Variants in ZNF385D observed in about 807,000 individuals in gnomAD.
ZNF385D encodes the protein zinc finger protein 385D.
Under a neutral mutation model 35.8 loss-of-function variants are expected in ZNF385D, and 15 were observed. That is an observed-to-expected ratio of 0.42 (90% CI 0.28 to 0.64). The LOEUF (loss-of-function observed/expected upper bound fraction) is 0.64, where lower values mean the gene tolerates loss of function less well. Among genes scored for constraint, ZNF385D ranks in the 30% least tolerant of loss-of-function variants. The pLI is 0.23. For missense variants in ZNF385D, 474 were observed against 494.6 expected (o/e 0.96, Z 0.39); for synonymous variants, 212 against 186.8 (o/e 1.13, Z -1.10).
intron 2 of ZNF385D, among the ~76,000 whole-genome samples, chr3:21,649,023 T>A (rs1003303290): frequency 6.6e-6 from 1 of 152,126 alleles, no homozygotes; most frequent in Non-Finnish European, 1.5e-5. Context: ...AACCTAGGAC[T>A]CTGTGATTCC....
rs117214424 is a variant in ZNF385D at position 21,547,973 on chromosome 3, C to T, written c.276+16601G>A. 9.3e-3 allele frequency among the ~76,000 whole-genome samples: 1,410 copies of T among 152,130 alleles called. 34 individuals carry two copies. The highest frequency in any genetic ancestry group is 0.08 in the East Asian group (413 of 5,134). On this transcript the variant is annotated intron_variant, in intron 3 of 7. Transcript: ENST00000281523. ...GTGGGAGGGGGTCCCTGGAGAAACTCCAACCAGCCTGTCCACTGAGCTGTA... is the reference window on the plus strand; with the variant it reads ...GTGGGAGGGGGTCCCTGGAGAAACTTCAACCAGCCTGTCCACTGAGCTGTA...
At chr3:21,753,000 C>A (rs1313487993), upstream of ZNF385D, among the ~76,000 whole-genome samples, 1 of 152,030 alleles carries the variant, frequency 6.6e-6, no homozygotes, top group East Asian at 1.9e-4. Flanking sequence ...CATTTGAGTT[C>A]CTGTAGTTGG....
chr3:22,003,221 G>C (rs1054399927), intron 3 of ZNF385D, among the ~76,000 whole-genome samples: 4 of 152,152 alleles, frequency 2.6e-5, no homozygotes, highest in Admixed American at 2.6e-4. Flanking sequence ...AAAGAATTCA[G>C]CTAACTTGCA....
At chr3:21,471,289 TCTCTCTCACACA>T (rs1435377335) in intron 4 of ZNF385D, among the ~76,000 whole-genome samples, 2 of 22,152 alleles carry the variant, frequency 9.0e-5, no homozygotes, top group African/African-American at 2.6e-4. Context: ...TCTCTCTCTC[TCTCTCTCACACA>T]CACACACACA....
intron 2 of ZNF385D, among the ~76,000 whole-genome samples, chr3:22,279,512 GTATATACATATACATATGTACATA>G (rs1701611423): frequency 1.5e-5 from 2 of 131,046 alleles, no homozygotes; most frequent in African/African-American, 7.1e-5. Context: ...ACATATATAT[GTATATACATATACATATGTACATA>G]TATATGTATA....
intron 2 of ZNF385D, among the ~76,000 whole-genome samples, chr3:21,614,761 C>G (rs13061569): frequency 0.51 from 77,714 of 151,802 alleles, 20,104 homozygotes; most frequent in East Asian, 0.67. Flanking sequence ...GCTAATTTTT[C>G]TATTTTTAGT....
chr3:21,997,272 C>T (rs1323134685), intron 3 of ZNF385D, among the ~76,000 whole-genome samples: 1 of 152,090 alleles, frequency 6.6e-6, no homozygotes, highest in African/African-American at 2.4e-5. Flanking sequence ...ACCACATGTT[C>T]TCACTCATAG....
intron 1 of ZNF385D, among the ~76,000 whole-genome samples, chr3:21,709,166 A>G (rs1252965173): frequency 1.3e-5 from 2 of 152,232 alleles, no homozygotes; most frequent in African/African-American, 2.4e-5. Flanking sequence ...ATTAGTGGAT[A>G]CCATAATGTT....
chr3:21,905,388 T>C (rs1456785775), intron 3 of ZNF385D, among the ~76,000 whole-genome samples: 1 of 152,038 alleles, frequency 6.6e-6, no homozygotes, highest in Non-Finnish European at 1.5e-5. Context: ...ACATAAAGGC[T>C]AAATTTTATC....
At chr3:22,095,916 T>C (rs1028764564) in intron 3 of ZNF385D, among the ~76,000 whole-genome samples, 9 of 151,982 alleles carry the variant, frequency 5.9e-5, no homozygotes. Flanking sequence ...CACCATATTA[T>C]ATCTACTAAT....
At chr3:22,036,347 C>A (rs188548121) in intron 3 of ZNF385D, among the ~76,000 whole-genome samples, 22 of 152,162 alleles carry the variant, frequency 1.4e-4, no homozygotes, top group African/African-American at 5.1e-4. Context: ...AAGATATAAC[C>A]AAGTTTTGGC....
intron 4 of ZNF385D, among the ~76,000 whole-genome samples, chr3:21,478,646 C>A (rs762779442): frequency 6.6e-6 from 1 of 152,096 alleles, no homozygotes; most frequent in Non-Finnish European, 1.5e-5. Context: ...CACGCTTAGG[C>A]GTAACTTAGC....
chr3:21,935,650 G>A (rs1439333325), intron 3 of ZNF385D, among the ~76,000 whole-genome samples: 1 of 152,092 alleles, frequency 6.6e-6, no homozygotes, highest in Non-Finnish European at 1.5e-5. Flanking sequence ...CTGTTTAGAA[G>A]TGACCTTTTT....
intron 3 of ZNF385D, among the ~76,000 whole-genome samples, chr3:21,556,545 T>C (rs1253535043): frequency 1.1e-4 from 2 of 17,420 alleles, no homozygotes; most frequent in African/African-American, 8.2e-4. Context: ...ATGTGTGATA[T>C]TATTTCTGAG....
chr3:21,738,817 G>C (rs992837561), intron 1 of ZNF385D, among the ~76,000 whole-genome samples: 1 of 152,182 alleles, frequency 6.6e-6, no homozygotes, highest in Admixed American at 6.5e-5. Flanking sequence ...ACAAAAGTGT[G>C]ATTATGTTGG....
chr3:22,130,358 C>G (rs9837187), intron 3 of ZNF385D, among the ~76,000 whole-genome samples: 2,801 of 152,222 alleles, frequency 0.018, 34 homozygotes, highest in Non-Finnish European at 0.026. Flanking sequence ...AGCACAGCAC[C>G]AGACCTTCCC....
chr3:21,460,096 T>C (rs1703070016), intron 4 of ZNF385D, among the ~76,000 whole-genome samples: 1 of 152,218 alleles, frequency 6.6e-6, no homozygotes, highest in South Asian at 2.1e-4. Flanking sequence ...CATGTTTCTT[T>C]TGATTCTGTT....
intron 3 of ZNF385D, among the ~76,000 whole-genome samples, chr3:21,980,880 T>A (rs1694398317): frequency 6.6e-6 from 1 of 152,184 alleles, no homozygotes; most frequent in African/African-American, 2.4e-5. Flanking sequence ...TCTATATTCC[T>A]GCAAAAGAGA....
chr3:21,900,897 T>TA (rs1699374996), intron 3 of ZNF385D, among the ~76,000 whole-genome samples: 1 of 152,096 alleles, frequency 6.6e-6, no homozygotes, highest in Non-Finnish European at 1.5e-5. Context: ...GTTCATACAA[T>TA]AGCCCTCCCA....
Sources: allele counts gnomAD v4.1 joint callset (sites outside exome capture counted in the v4.1 genomes callset), GRCh38; gene constraint gnomAD v4.1.1; transcripts MANE v1.5; gene names NCBI Gene and HGNC (gene_info 2026-07-23, HGNC 2026-07-21).